The following ERBIN variants were observed in gnomAD, a reference collection of about 807,000 sequenced individuals.
ERBIN encodes the protein densin-180-like protein.
A neutral mutation model predicts 158.4 loss-of-function variants in ERBIN; 60 were observed. The observed-to-expected ratio is 0.38, with a 90% confidence interval of 0.31 to 0.47. The LOEUF is 0.47. Among genes scored for constraint, ERBIN ranks in the 20% least tolerant of loss-of-function variants. ERBIN has a pLI of 0.99. For synonymous variants in ERBIN, 594 were observed against 557.2 expected (o/e 1.07, Z -0.93); for missense variants, 1,610 against 1,648.0 (o/e 0.98, Z 0.40).
chr5:66,040,799 T>A (rs559626726), intron 15 of ERBIN, among the ~76,000 whole-genome samples: 2 of 150,422 alleles, frequency 1.3e-5, no homozygotes, highest in South Asian at 4.2e-4. Context: ...TAGAGCTAAG[T>A]AAAGGCAAAA....
rs759555280 is a variant in ERBIN, at chr5:66,054,294, G to T, written c.2976G>T (p.Trp992Cys). 5 of 1,613,960 alleles carry T rather than the reference G, an allele frequency of 3.1e-6. No homozygotes were observed. The African/African-American group carries it at 5.3e-5, about 17-fold the overall frequency. ...GTGCTGCAGTCAAAGACACTTTGTG[G>T]CACTCCAAACAAAATCCCCAAATAG... Reference protein sequence around the residue: ...SSSAAVKDTLWHSKQNPQIDH... With the variant: ...SSSAAVKDTLCHSKQNPQIDH... The change falls in exon 21 of 26, where the codon TGG (tryptophan) becomes TGT (cysteine). Residue 992 changes from tryptophan to cysteine, a missense_variant. Physicochemically the swap from Trp to Cys is radical, Grantham distance 215 (BLOSUM62 -2). Around this residue, in one of 2 missense-constraint regions of ERBIN, gnomAD observed 1,014 missense variants for 936.1 expected, o/e 1.08. Coordinates refer to ENST00000284037, the MANE Select transcript of ERBIN (RefSeq NM_001253697.2).
chr5:66,051,632 G>A (rs1010592762), intron 20 of ERBIN, among the ~76,000 whole-genome samples: 6 of 152,096 alleles, frequency 3.9e-5, no homozygotes, highest in Non-Finnish European at 5.9e-5. Context: ...TGGCTTAAAC[G>A]TGTAATCCCA....
intron 1 of ERBIN, among the ~76,000 whole-genome samples, chr5:65,966,096 C>T (rs979501506): frequency 6.5e-5 from 8 of 122,828 alleles, no homozygotes; most frequent in Admixed American, 1.7e-4. Context: ...CACATAATGA[C>T]ATTTTGGTCA....
intron 1 of ERBIN, among the ~76,000 whole-genome samples, chr5:65,941,489 ATCC>A (rs1292659495): frequency 6.6e-6 from 1 of 152,160 alleles, no homozygotes; most frequent in African/African-American, 2.4e-5. Flanking sequence ...TACTTGGAGC[ATCC>A]TCAGATTTTG....
Position 66,021,371 on chromosome 5 carries a change from G to A in ERBIN, c.583G>A (p.Glu195Lys), listed in dbSNP as rs774925899. 5.0e-6 allele frequency: 8 copies of A among 1,600,968 alleles called. No individual in the cohort carries two copies. The highest frequency in any genetic ancestry group is 2.7e-5 in the African/African-American group (2 of 74,482). ...GGAAAGACTGGATTTGGGAAGTAAC[G>A]AATTCACGGAAGTGGTAAGTTCTCA... Reference protein sequence around the residue: ...QLERLDLGSNEFTEVPEVLEQ... With the variant: ...QLERLDLGSNKFTEVPEVLEQ... The change falls in exon 8 of 26, where the codon GAA (glutamate) becomes AAA (lysine). Residue 195 changes from glutamate (E) to lysine (K), a missense_variant. Transcript: ENST00000284037.
At chr5:65,988,417 A>ATGTG (rs146487961) in intron 1 of ERBIN, among the ~76,000 whole-genome samples, 7 of 149,992 alleles carry the variant, frequency 4.7e-5, no homozygotes, top group African/African-American at 9.8e-5. Flanking sequence ...GCTGGTAAAT[A>ATGTG]TGTGTGTGTG....
At chr5:66,046,795 TG>T (rs1227988005) in intron 18 of ERBIN, among the ~76,000 whole-genome samples, 1 of 152,172 alleles carries the variant, frequency 6.6e-6, no homozygotes, top group Non-Finnish European at 1.5e-5. Flanking sequence ...CTTTTATTTC[TG>T]TAACTTAAAA....
intron 7 of ERBIN, among the ~76,000 whole-genome samples, chr5:66,021,119 G>A (rs1272428542): frequency 6.6e-6 from 1 of 151,316 alleles, no homozygotes; most frequent in Non-Finnish European, 1.5e-5. Flanking sequence ...CCAATGAGAA[G>A]GCAAAATAAG....
chr5:65,999,145 G>A (rs1752763114), intron 4 of ERBIN, among the ~76,000 whole-genome samples: 1 of 152,184 alleles, frequency 6.6e-6, no homozygotes, highest in East Asian at 1.9e-4. Context: ...AAGGTGAGCA[G>A]ATTACCTGAG....
In ERBIN at chr5:66,050,697, G is replaced by T. The variant is rs137953807; in HGVS notation, c.1904-86G>T. ...TTACCTCATATATAGAACCAGGATG[G>T]TATAATTGCCATTTGTCATCACTGA... On this transcript the variant is annotated intron_variant, in intron 19 of 25. Transcript: ENST00000284037. The T allele has an allele frequency of 7.3e-4, 573 of 788,828 alleles. 4 individuals are homozygous for T. The Admixed American group carries it at 0.014, about 19-fold the overall frequency. The allele number at this position is 788,828 out of a possible 1,614,324, so 48.9% of individuals were successfully genotyped here.
intron 16 of ERBIN, among the ~76,000 whole-genome samples, chr5:66,043,706 C>G (rs1015008735): frequency 1.1e-4 from 16 of 152,190 alleles, no homozygotes; most frequent in African/African-American, 3.9e-4. Flanking sequence ...TTATTTGCCC[C>G]TTATACAAAC....
rs1373876334 is a variant in ERBIN, at chr5:66,066,529, A to AAAT, written c.3634-5638_3634-5637insTAA. On this transcript the variant is annotated intron_variant, in intron 21 of 25. Transcript: ENST00000284037. ...ACCTCCCACTGCCAAAAATAAAAAA[A>AAAT]AAAAAACAAAAAAAACTGTACCTGG... Among the ~76,000 whole-genome samples the AAAT allele has an allele frequency of 9.8e-3, 1,473 of 150,698 alleles. 28 individuals are homozygous for AAAT. Among genetic ancestry groups the AAAT allele is most frequent in the African/African-American group, 0.035 (1,400 of 40,290 alleles).
chr5:66,034,103 G>A (rs769426695), intron 14 of ERBIN, among the ~76,000 whole-genome samples: 2 of 124,046 alleles, frequency 1.6e-5, no homozygotes, highest in African/African-American at 3.1e-5. Flanking sequence ...GTGACAGAGC[G>A]AGACTTTGTC....
rs1179602396 is a variant in ERBIN, at chr5:66,054,437, C to A, written c.3119C>A (p.Thr1040Asn). 3 of 1,614,154 alleles carry A rather than the reference C, an allele frequency of 1.9e-6. No homozygotes were observed. The highest frequency in any genetic ancestry group is 2.5e-6 in the Non-Finnish European group (3 of 1,180,010). Residue 1040 changes from threonine (T) to asparagine (N), a missense_variant, in exon 21 of 26, where the codon ACT becomes AAT. By Grantham distance (65) the Thr-to-Asn change is moderately conservative. Around this residue, in one of 2 missense-constraint regions of ERBIN, gnomAD observed 1,014 missense variants for 936.1 expected, o/e 1.08. Transcript: ENST00000284037. ...FSNHNNVRAN[T>N]AYHLHQRLGP... ...AATCATAACAATGTTCGAGCTAATA[C>A]TGCATACCATTTACATCAGAGACTT...
rs1175415773 is a variant in ERBIN, at chr5:65,976,943, G to A, written c.-57-11692G>A. Among the ~76,000 whole-genome samples, 5 of 152,166 alleles carry A rather than the reference G, an allele frequency of 3.3e-5. No individual in the cohort carries two copies. The East Asian group carries it at 5.8e-4, about 18-fold the overall frequency. Reference sequence around the variant, plus strand: ...TTCTACACAGACACGGCAGCCATCCGATTTCTCAATCTTTTCCCCACCTTT... The same window carrying A: ...TTCTACACAGACACGGCAGCCATCCAATTTCTCAATCTTTTCCCCACCTTT... On this transcript the variant is annotated intron_variant, in intron 1 of 25. Transcript: ENST00000284037.
chr5:66,076,552 T>C (rs1470257495), intron 24 of ERBIN, 144 bp downstream of exon 24: 3 of 697,714 alleles, frequency 4.3e-6, no homozygotes, highest in Non-Finnish European at 7.3e-6. Flanking sequence ...CTTACCTTTT[T>C]GTTTTGTAAT....
chr5:65,976,560 G>T (rs1301844036), intron 1 of ERBIN, among the ~76,000 whole-genome samples: 4 of 145,464 alleles, frequency 2.7e-5, no homozygotes, highest in African/African-American at 1.0e-4. Context: ...GGTGTTTCTC[G>T]CAGAGGGGGA....
At chr5:65,956,545 CTTTT>C (rs775550780) in intron 1 of ERBIN, among the ~76,000 whole-genome samples, 1 of 136,040 alleles carries the variant, frequency 7.4e-6, no homozygotes, top group African/African-American at 2.7e-5. Context: ...AATTTTTTTA[CTTTT>C]TTTTTTTTTT....
Position 66,050,797 on chromosome 5 carries a change from A to G in ERBIN, c.1918A>G (p.Thr640Ala), listed in dbSNP as rs1758940987. 1.9e-6 allele frequency: 3 copies of G among 1,555,046 alleles called. No homozygotes were observed. Among genetic ancestry groups the G allele is most frequent in the South Asian group, 2.5e-5 (2 of 81,026 alleles). Reference protein sequence around the residue: ...SNNKKDDTKETDSLSDEVTHN... With the variant: ...SNNKKDDTKEADSLSDEVTHN... ...TTTTGTTTCAGATGATACAAAGGAAACAGATTCTTTATCAGATGAAGTTAC... is the reference window on the plus strand; with the variant it reads ...TTTTGTTTCAGATGATACAAAGGAAGCAGATTCTTTATCAGATGAAGTTAC... Residue 640 changes from threonine (T) to alanine (A), a missense_variant, in exon 20 of 26, where the codon ACA (threonine) becomes GCA (alanine). Physicochemically the swap from Thr to Ala is moderately conservative, Grantham distance 58. This residue lies in a region of ERBIN where 1,014 missense variants were observed against 936.1 expected (regional missense o/e 1.08). Transcript: ENST00000284037.
Sources: allele counts gnomAD v4.1 joint callset (sites outside exome capture counted in the v4.1 genomes callset), GRCh38; gene constraint gnomAD v4.1.1; regional missense constraint gnomAD v4.1.1; transcripts MANE v1.5; gene names NCBI Gene and HGNC (gene_info 2026-07-23, HGNC 2026-07-21).